Variants in EPAS1 observed in about 807,000 individuals in gnomAD.
EPAS1 encodes the protein endothelial PAS domain-containing protein 1.
A neutral mutation model predicts 87.9 loss-of-function variants in EPAS1; 23 were observed. The observed-to-expected ratio is 0.26, with a 90% CI of 0.19 to 0.37. The LOEUF (loss-of-function observed/expected upper bound fraction) is 0.37. Ranked by LOEUF, EPAS1 falls within the 10% of genes least tolerant of loss-of-function variation. The pLI is 1.00. For missense variants in EPAS1, 1,138 were observed against 1,120.7 expected (o/e 1.02, Z -0.22); for synonymous variants, 508 against 444.3 (o/e 1.14, Z -1.80).
chr2:46,348,141 T>C (rs1430964315), intron 2 of EPAS1, among the ~76,000 whole-genome samples: 2 of 152,018 alleles, frequency 1.3e-5, no homozygotes, highest in Non-Finnish European at 2.9e-5. Flanking sequence ...AGGAAGGATA[T>C]GGGGGACAGA....
At chr2:46,351,801 G>T (rs1297356661) in intron 2 of EPAS1, among the ~76,000 whole-genome samples, 1 of 152,190 alleles carries the variant, frequency 6.6e-6, no homozygotes, top group Non-Finnish European at 1.5e-5. Flanking sequence ...CCAGCATTCT[G>T]ACCAGCAGCA....
intron 2 of EPAS1, among the ~76,000 whole-genome samples, chr2:46,352,403 C>T (rs1295702816): frequency 1.3e-5 from 2 of 152,238 alleles, no homozygotes; most frequent in Non-Finnish European, 2.9e-5. Context: ...CACTTCTGGA[C>T]AGATTACCTT....
chr2:46,356,471 T>C (rs976531725), intron 3 of EPAS1, among the ~76,000 whole-genome samples, 169 bp downstream of exon 3: 1 of 152,112 alleles, frequency 6.6e-6, no homozygotes, highest in Non-Finnish European at 1.5e-5. Flanking sequence ...CCCCCAAGCA[T>C]TGGGTTTGGC....
At chr2:46,359,264 A>AAAAAAAAAAAG in intron 4 of EPAS1, among the ~76,000 whole-genome samples, 1 of 146,662 alleles carries the variant, frequency 6.8e-6, no homozygotes, top group African/African-American at 2.5e-5. Context: ...TCTCAAAAAA[A>AAAAAAAAAAAG]AAAAAAAAAA....
chr2:46,341,698 G>T (rs975291305), intron 1 of EPAS1, among the ~76,000 whole-genome samples: 2 of 151,180 alleles, frequency 1.3e-5, no homozygotes, highest in Non-Finnish European at 3.0e-5. Context: ...AGTGGACCTG[G>T]GCGTCAGTCT....
intron 1 of EPAS1, among the ~76,000 whole-genome samples, chr2:46,339,402 A>G (rs1683861612): frequency 6.6e-6 from 1 of 152,260 alleles, no homozygotes; most frequent in African/African-American, 2.4e-5. Flanking sequence ...GCTGCTTGTC[A>G]GCAGGCGCTC....
chr2:46,345,081 A>C (rs1274283697), intron 1 of EPAS1, among the ~76,000 whole-genome samples: 1 of 152,256 alleles, frequency 6.6e-6, no homozygotes, highest in Non-Finnish European at 1.5e-5. Context: ...AGAACGAGCC[A>C]GCTAGAGCTG....
Position 46,385,666 on chromosome 2 carries a change from C to G in EPAS1, c.*1006C>G, listed in dbSNP as rs1685003407. The G allele has an allele frequency of 6.6e-6, 1 of 151,638 alleles. No individual in the cohort carries two copies. Among genetic ancestry groups the G allele is most frequent in the Non-Finnish European group, 1.5e-5 (1 of 67,958 alleles). The allele number at this position is 151,638 out of a possible 1,614,324, so 9.4% of individuals were successfully genotyped here. On this transcript the variant is annotated 3_prime_UTR_variant, in exon 16 of 16. Transcript: ENST00000263734. ...TTCAGCGGGAGCACTGCGCGCTATC[C>G]CCTCACATTCTCTATGTACTATGTA...
chr2:46,299,719 G>T (rs755497780), intron 1 of EPAS1, among the ~76,000 whole-genome samples: 7 of 152,208 alleles, frequency 4.6e-5, no homozygotes, highest in African/African-American at 9.6e-5. Context: ...CTTAGCGCCG[G>T]GTTTTGTGCA....
chr2:46,317,674 C>T (rs1683369308), intron 1 of EPAS1, among the ~76,000 whole-genome samples: 1 of 152,200 alleles, frequency 6.6e-6, no homozygotes, highest in South Asian at 2.1e-4. Flanking sequence ...ATTGACTTCT[C>T]CCCTCTTGCA....
intron 1 of EPAS1, among the ~76,000 whole-genome samples, chr2:46,339,794 G>T (rs1354309692): frequency 6.6e-6 from 1 of 152,224 alleles, no homozygotes. Context: ...AGCAGATTCA[G>T]TGTCTGGTAA....
chr2:46,328,787 A>G (rs898900257), intron 1 of EPAS1, among the ~76,000 whole-genome samples: 9 of 152,220 alleles, frequency 5.9e-5, no homozygotes, highest in African/African-American at 1.9e-4. Context: ...ATATCTTCCC[A>G]TTGTAACTCT....
chr2:46,347,190 C>A lies in EPAS1; in HGVS notation c.217+127C>A. ...ACTACAGAACTTTCACCCACAGAAA[C>A]ACCATCATGAGTGATTTATTCCTTC... On this transcript the variant is annotated intron_variant, in intron 2 of 15. Transcript: ENST00000263734. This position sits in a 1 kb window ranked among gnomAD's most constrained non-coding sequence, Gnocchi z 4.2. 1 of 983,024 alleles carries A rather than the reference C, an allele frequency of 1.0e-6. No homozygotes were observed. The highest frequency in any genetic ancestry group is 1.6e-6 in the Non-Finnish European group (1 of 621,704). The allele number at this position is 983,024 out of a possible 1,614,324, so 60.9% of individuals were successfully genotyped here. A position where few individuals can be genotyped will look rare whatever the true frequency, so the allele number is the denominator to read the frequency against.
At position 46,386,590 on chromosome 2, in the gene EPAS1, TTATTA is replaced by T. The variant is rs1395051141; in HGVS notation, c.*1935_*1939del. 7 of 152,660 alleles carry T rather than the reference TTATTA, an allele frequency of 4.6e-5. No homozygotes were observed. The highest frequency in any genetic ancestry group is 1.7e-4 in the African/African-American group (7 of 41,458). 9.5% of individuals were successfully genotyped at this position (152,660 alleles called of 1,614,324 possible). On this transcript the variant is annotated 3_prime_UTR_variant, in exon 16 of 16. Coordinates refer to ENST00000263734, the MANE Select transcript of EPAS1 (RefSeq NM_001430.5). The stretch of plus-strand genomic sequence containing the variant: ...TGTCAACGTAACGATTTCATGAACG[TTATTA>T]TATTGTCGAATTCCTACTGACAACA...
intron 2 of EPAS1, among the ~76,000 whole-genome samples, chr2:46,353,845 G>C (rs921734934): frequency 6.6e-6 from 1 of 152,234 alleles, no homozygotes; most frequent in Non-Finnish European, 1.5e-5. Context: ...GTGTGCAGAG[G>C]AAAGAATTTC....
intron 6 of EPAS1, among the ~76,000 whole-genome samples, chr2:46,361,836 A>G (rs1376045076): frequency 2.0e-5 from 3 of 152,208 alleles, no homozygotes; most frequent in Admixed American, 6.5e-5. Flanking sequence ...CAGGTGGGGA[A>G]GAGACTGGGG....
intron 2 of EPAS1, among the ~76,000 whole-genome samples, chr2:46,353,618 G>A (rs1684213596): frequency 6.6e-6 from 1 of 152,200 alleles, no homozygotes; most frequent in Non-Finnish European, 1.5e-5. Flanking sequence ...TAAAGCCCCT[G>A]TTCAAATGAA....
Position 46,384,838 on chromosome 2 carries a change from T to G in EPAS1, c.*178T>G. 2.8e-6 allele frequency: 2 copies of G among 709,980 alleles called. No individual in the cohort carries two copies. Among genetic ancestry groups the G allele is most frequent in the Non-Finnish European group, 4.7e-6 (2 of 428,810 alleles). 44.0% of individuals were successfully genotyped at this position (709,980 alleles called of 1,614,324 possible). The stretch of plus-strand genomic sequence containing the variant: ...CCTTTTTCTGAGATGCTCACTTTAT[T>G]ATCCCTATTTTTAAAGTACACAATT... On this transcript the variant is annotated 3_prime_UTR_variant, in exon 16 of 16. Coordinates refer to ENST00000263734, the MANE Select transcript of EPAS1 (RefSeq NM_001430.5).
Position 46,371,719 on chromosome 2 carries a change from G to A in EPAS1, c.886+1786G>A, listed in dbSNP as rs553987760. 1.3e-4 allele frequency among the ~76,000 whole-genome samples: 20 copies of A among 152,270 alleles called. No homozygotes were observed. The South Asian group carries it at 3.7e-3, about 28-fold the overall frequency. ...AATCATCCAGGCACTGGGACTTAGC[G>A]GCCCAGGCTCTGGCCCAGCCGACCC... is the stretch of plus-strand genomic sequence containing the variant. On this transcript the variant is annotated intron_variant, in intron 7 of 15. Coordinates refer to ENST00000263734, the MANE Select transcript of EPAS1 (RefSeq NM_001430.5). The surrounding 1 kb of genome is among the most constrained non-coding windows in gnomAD (Gnocchi z 4.3).
Sources: allele counts gnomAD v4.1 joint callset (sites outside exome capture counted in the v4.1 genomes callset), GRCh38; gene constraint gnomAD v4.1.1; non-coding constraint Gnocchi (gnomAD v3.1); transcripts MANE v1.5; gene names NCBI Gene and HGNC (gene_info 2026-07-23, HGNC 2026-07-21).